The following NOL9 variants were observed in gnomAD, a reference collection of about 807,000 sequenced individuals.
NOL9 encodes the protein nucleolar protein 9.
NOL9 carries 28 observed loss-of-function variants against 67.9 expected under a neutral mutation model. That is an observed-to-expected ratio of 0.41 (90% CI 0.31 to 0.57). NOL9 has a LOEUF of 0.57. NOL9 is among the 20% of genes least tolerant of loss of function. NOL9 has a pLI of 0.25. For missense variants in NOL9, 777 were observed against 897.0 expected (o/e 0.87, Z 1.71); for synonymous variants, 356 against 352.2 (o/e 1.01, Z -0.12).
At chr1:6,539,654 T>G (rs1639231875) in intron 6 of NOL9, among the ~76,000 whole-genome samples, 1 of 6,154 alleles carries the variant, frequency 1.6e-4, no homozygotes, top group Non-Finnish European at 5.8e-3. Flanking sequence ...CCAGCTAACT[T>G]TTGTATTTTT....
rs114334057 is a variant in NOL9 at position 6,528,024 on chromosome 1, A to C, written c.1825+970T>G. On this transcript the variant is annotated intron_variant, in intron 10 of 11. Coordinates refer to ENST00000377705, the MANE Select transcript of NOL9 (RefSeq NM_024654.5). ...TAAGGAATATACAGAAGACAACCTG[A>C]TATCACTGTTCCTCCTTTATGGTCT... 9.7e-3 allele frequency among the ~76,000 whole-genome samples: 1,479 copies of C among 152,334 alleles called. 24 individuals carry two copies. Among genetic ancestry groups the C allele is most frequent in the African/African-American group, 0.034 (1,406 of 41,568 alleles).
Position 6,554,326 on chromosome 1 carries a change from G to A in NOL9, c.177C>T (p.Gly59=), listed in dbSNP as rs758555398. 3.4e-4 allele frequency: 499 copies of A among 1,471,994 alleles called. 1 individual carries two copies. In the African/African-American group the frequency reaches 6.3e-3, roughly 18 times the overall value. The allele number at this position is 1,471,994 out of a possible 1,614,324, so 91.2% of individuals were successfully genotyped here. ...RWRLLQAQAS[G]VDWREGARQV... is the part of the protein sequence containing the mutation. ...GGCGGGCTCCCTCCCTCCAGTCCAC[G>A]CCGGACGCCTGGGCTTGCAGTAACC... Residue 59 remains glycine, a synonymous_variant, in exon 1 of 12, where the codon GGC becomes GGT. Transcript: ENST00000377705.
At chr1:6,548,901 G>A (rs549388496) in intron 3 of NOL9, among the ~76,000 whole-genome samples, 136 of 152,058 alleles carry the variant, frequency 8.9e-4, no homozygotes, top group African/African-American at 3.2e-3. Context: ...GGCCAACATG[G>A]TGAAACCCCG....
rs1553181417 is a variant in NOL9 at position 6,522,897 on chromosome 1, A to AAAAAG, written c.*2952_*2956dup. On this transcript the variant is annotated 3_prime_UTR_variant, in exon 12 of 12. Transcript: ENST00000377705. The stretch of plus-strand genomic sequence containing the variant: ...AGACTCTGTCTCAAAAAAAAAAAAA[A>AAAAAG]AAAAGAAATTGCTTCAGCACTTTGG... 2 of 149,060 alleles carry AAAAAG rather than the reference A, an allele frequency of 1.3e-5. No individual in the cohort carries two copies. The highest frequency in any genetic ancestry group is 5.0e-5 in the African/African-American group (2 of 40,282). The allele number at this position is 149,060 out of a possible 1,614,324, so 9.2% of individuals were successfully genotyped here. A position where few individuals can be genotyped will look rare whatever the true frequency, so the allele number is the denominator to read the frequency against.
At chr1:6,526,244 G>A (rs1389924840) in intron 11 of NOL9, among the ~76,000 whole-genome samples, 2 of 152,162 alleles carry the variant, frequency 1.3e-5, no homozygotes, top group Admixed American at 6.6e-5. Context: ...GAGGCAGAGT[G>A]GGGGTGCAGT....
At chr1:6,534,474 G>C (rs1235171531) in intron 6 of NOL9, among the ~76,000 whole-genome samples, 1 of 152,162 alleles carries the variant, frequency 6.6e-6, no homozygotes, top group Non-Finnish European at 1.5e-5. Context: ...GCCTGGGTCA[G>C]TGTGATTGCA....
intron 1 of NOL9, among the ~76,000 whole-genome samples, chr1:6,551,974 G>C (rs1410516104): frequency 6.6e-6 from 1 of 152,166 alleles, no homozygotes; most frequent in African/African-American, 2.4e-5. Flanking sequence ...GGCGGAGCTT[G>C]CAGTGAGCCC....
At chr1:6,528,938 T>C (rs1638954695) in intron 10 of NOL9, 56 bp downstream of exon 10, 2 of 1,548,978 alleles carry the variant, frequency 1.3e-6, no homozygotes, top group Non-Finnish European at 8.9e-7. Context: ...CATCTACAGT[T>C]GAAGCAGTGG....
chr1:6,545,622 C>A (rs1175011379), intron 3 of NOL9, among the ~76,000 whole-genome samples: 6 of 152,064 alleles, frequency 3.9e-5, no homozygotes, highest in African/African-American at 1.4e-4. Context: ...GGAAAGCAAC[C>A]CAAGGAAAGG....
At position 6,537,027 on chromosome 1, in the gene NOL9, C is replaced by T. The variant is rs144652871; in HGVS notation, c.1076-3586G>A. ...CACTGTCTCTCTCAAAAACCAAGCA[C>T]GGTAATGGCATAAAAAAAGACATAT... On this transcript the variant is annotated intron_variant, in intron 6 of 11. Transcript: ENST00000377705. 1.0e-2 allele frequency among the ~76,000 whole-genome samples: 1,508 copies of T among 151,504 alleles called. 17 individuals carry two copies. The highest frequency in any genetic ancestry group is 0.025 in the African/African-American group (1,031 of 41,256).
In NOL9 at chr1:6,525,721, G is replaced by A. The variant is rs1259688778; in HGVS notation, c.*133C>T. 10 of 912,998 alleles carry A rather than the reference G, an allele frequency of 1.1e-5. No individual in the cohort carries two copies. Among genetic ancestry groups the A allele is most frequent in the African/African-American group, 5.0e-5 (3 of 59,998 alleles). The allele number at this position is 912,998 out of a possible 1,614,324, so 56.6% of individuals were successfully genotyped here. A position where few individuals can be genotyped will look rare whatever the true frequency, so the allele number is the denominator to read the frequency against. ...CTTAAGACTACTATATGACATTCAC[G>A]AATTACACAAAAAACACTGTTGCTA... On this transcript the variant is annotated 3_prime_UTR_variant, in exon 12 of 12. Coordinates refer to ENST00000377705, the MANE Select transcript of NOL9 (RefSeq NM_024654.5).
rs2148645938 is a variant in NOL9 at position 6,523,886 on chromosome 1, G to A, written c.*1968C>T. 6.6e-6 allele frequency: 1 copy of A among 152,314 alleles called. No homozygotes were observed. The highest frequency in any genetic ancestry group is 6.5e-5 in the Admixed American group (1 of 15,296). The allele number at this position is 152,314 out of a possible 1,614,324, so 9.4% of individuals were successfully genotyped here. ...ATACAGGCCGCATTTAAAGCCTGAAGGCAAACCTAGATTGAATGCAAATGC... is the reference window on the plus strand; with the variant it reads ...ATACAGGCCGCATTTAAAGCCTGAAAGCAAACCTAGATTGAATGCAAATGC... On this transcript the variant is annotated 3_prime_UTR_variant, in exon 12 of 12. Coordinates refer to ENST00000377705, the MANE Select transcript of NOL9 (RefSeq NM_024654.5).
At chr1:6,532,422 G>T (rs116179238) in intron 8 of NOL9, 41 bp downstream of exon 8, 1 of 1,561,136 alleles carries the variant, frequency 6.4e-7, no homozygotes, top group Non-Finnish European at 8.7e-7. Context: ...CTTTTTCGAC[G>T]GAAGGAAAAA....
intron 9 of NOL9, among the ~76,000 whole-genome samples, 163 bp downstream of exon 9, chr1:6,531,805 C>T (rs1363924629): frequency 6.6e-6 from 1 of 152,170 alleles, no homozygotes; most frequent in Non-Finnish European, 1.5e-5. Context: ...CCTCAGGTTC[C>T]CCATCTGTAA....
chr1:6,531,953 G>A lies in NOL9; in HGVS notation c.1647+15C>T, dbSNP rs1281253243. The A allele has an allele frequency of 6.3e-7, 1 of 1,596,758 alleles. No homozygotes were observed. On this transcript the variant is annotated intron_variant, in intron 9 of 11. Transcript: ENST00000377705. Reference sequence around the variant, plus strand: ...TAACAAAATGAAGACAATTTCTCCTGTAAGTTCAGATTACCTGATAGGGTG... The same window carrying A: ...TAACAAAATGAAGACAATTTCTCCTATAAGTTCAGATTACCTGATAGGGTG...
At chr1:6,533,908 A>G (rs1273117006) in intron 6 of NOL9, among the ~76,000 whole-genome samples, 4 of 149,566 alleles carry the variant, frequency 2.7e-5, no homozygotes, top group Admixed American at 1.3e-4. Context: ...TTTTTTTTAG[A>G]CAGAGTTTCA....
intron 7 of NOL9, among the ~76,000 whole-genome samples, chr1:6,533,040 T>G (rs1639069606): frequency 6.6e-6 from 1 of 152,024 alleles, no homozygotes; most frequent in Non-Finnish European, 1.5e-5. Flanking sequence ...CTGGGCAGAG[T>G]GGCACACGCC....
rs776654612 is a variant in NOL9 at position 6,544,804 on chromosome 1, G to C, written c.977+22C>G. 6 of 1,612,064 alleles carry C rather than the reference G, an allele frequency of 3.7e-6. No homozygotes were observed. In the South Asian group the frequency reaches 6.6e-5, roughly 18 times the overall value. On this transcript the variant is annotated intron_variant, in intron 5 of 11. Transcript: ENST00000377705. ...GACAAAAACCTAGCAATGTGTCAAA[G>C]CCATAAGAAAAGCACTCTTACCTAT...
chr1:6,531,112 A>G (rs1639017277), intron 9 of NOL9, among the ~76,000 whole-genome samples: 1 of 152,150 alleles, frequency 6.6e-6, no homozygotes, highest in South Asian at 2.1e-4. Flanking sequence ...GAATCCTAAC[A>G]CTATCATGCT....
Sources: gnomAD v4.1 joint callset for allele counts (sites outside exome capture counted in the v4.1 genomes callset) on GRCh38, gnomAD v4.1.1 for gene constraint, MANE v1.5 for transcripts, NCBI Gene and HGNC (gene_info 2026-07-23, HGNC 2026-07-21) for gene names.